RBPMS: variants seen among roughly 807,000 people sequenced by gnomAD.
The protein encoded by RBPMS is RNA binding protein, mRNA processing factor.
RBPMS carries 7 observed loss-of-function variants against 26.8 expected under a neutral mutation model. The ratio of observed to expected loss-of-function variants is 0.26; its 90% CI spans 0.15 to 0.49. The LOEUF is 0.49. RBPMS is among the 20% of genes least tolerant of loss of function. The probability of loss-of-function intolerance (pLI) is 0.98; values close to 1 mark genes in which losing one functional copy is unlikely to be tolerated. For missense variants in RBPMS, 186 were observed against 250.0 expected (o/e 0.74, Z 1.73); for synonymous variants, 96 against 93.3 (o/e 1.03, Z -0.17).
At chr8:30,568,771 C>T (rs182248931) in intron 8 of RBPMS, among the ~76,000 whole-genome samples, 90 of 152,248 alleles carry the variant, frequency 5.9e-4, no homozygotes, top group South Asian at 5.2e-3. Flanking sequence ...TAAGACATTC[C>T]AAGGTTTGAA....
chr8:30,507,751 A>G (rs893304839), intron 5 of RBPMS, among the ~76,000 whole-genome samples: 1 of 152,238 alleles, frequency 6.6e-6, no homozygotes, highest in African/African-American at 2.4e-5. Context: ...GTAGTATTCT[A>G]TAATAAGAAC....
intron 4 of RBPMS, among the ~76,000 whole-genome samples, chr8:30,485,294 C>T (rs1465302102): frequency 6.6e-6 from 1 of 152,166 alleles, no homozygotes; most frequent in Non-Finnish European, 1.5e-5. Context: ...TATAAGCATC[C>T]AGATGGCCTA....
At chr8:30,385,843 A>G (rs1563273428) in intron 1 of RBPMS, among the ~76,000 whole-genome samples, 1 of 152,130 alleles carries the variant, frequency 6.6e-6, no homozygotes, top group Non-Finnish European at 1.5e-5. Context: ...CTGAGCATGC[A>G]TTTTAGGTGG....
At chr8:30,444,953 A>C (rs1019551748) in intron 1 of RBPMS, 2 of 152,252 alleles carry the variant, frequency 1.3e-5, no homozygotes, top group Non-Finnish European at 2.9e-5. Flanking sequence ...TATTTCTAGA[A>C]CATGATGGTG....
intron 5 of RBPMS, among the ~76,000 whole-genome samples, chr8:30,506,036 C>G (rs974860449): frequency 2.0e-5 from 3 of 152,118 alleles, no homozygotes; most frequent in African/African-American, 7.2e-5. Context: ...GCTGAATGCT[C>G]TTTTTAACAG....
rs761869719 is a variant in RBPMS, at chr8:30,549,523, G to A, written c.528+4899G>A. Reference sequence around the variant, plus strand: ...AGCTCTGTGAAGGTCAGACTGTGAGGAGAAGCCACCCCTTGAGCGCTCCGT... The same window carrying A: ...AGCTCTGTGAAGGTCAGACTGTGAGAAGAAGCCACCCCTTGAGCGCTCCGT... On this transcript the variant is annotated intron_variant, in intron 6 of 8. Transcript: ENST00000397323. The A allele has an allele frequency of 1.3e-5, 21 of 1,614,010 alleles. No individual in the cohort carries two copies. In the East Asian group the frequency reaches 3.6e-4, roughly 27 times the overall value.
chr8:30,566,868 C>T (rs1449028069), intron 8 of RBPMS, among the ~76,000 whole-genome samples: 1 of 152,144 alleles, frequency 6.6e-6, no homozygotes, highest in Non-Finnish European at 1.5e-5. Context: ...AATCAGAATT[C>T]ACAATTAATT....
chr8:30,423,562 C>T (rs909749983), intron 1 of RBPMS, among the ~76,000 whole-genome samples: 1 of 149,060 alleles, frequency 6.7e-6, no homozygotes, highest in Non-Finnish European at 1.5e-5. Flanking sequence ...TCCATTTCTT[C>T]TTTCGTCTCT....
At chr8:30,531,509 A>C (rs780733257) in intron 5 of RBPMS, among the ~76,000 whole-genome samples, 9 of 152,246 alleles carry the variant, frequency 5.9e-5, no homozygotes, top group East Asian at 1.9e-4. Context: ...CCCCAGAAAG[A>C]AGCAGCTCAG....
intron 1 of RBPMS, 56 bp from the exon 2 acceptor site, chr8:30,474,723 A>T (rs1817505246): frequency 1.1e-6 from 1 of 939,484 alleles, no homozygotes; most frequent in South Asian, 1.4e-5. Context: ...ATCAGGTGAG[A>T]GTTAACTCTC....
intron 1 of RBPMS, among the ~76,000 whole-genome samples, chr8:30,446,350 G>T (rs1324988087): frequency 6.6e-6 from 1 of 152,148 alleles, no homozygotes; most frequent in Non-Finnish European, 1.5e-5. Flanking sequence ...TCAGGGTGAG[G>T]CTGTTCTGTT....
chr8:30,562,031 G>A lies in RBPMS; in HGVS notation c.*7+3075G>A, dbSNP rs112261638. The A allele has an allele frequency of 3.0e-3, 2,930 of 985,234 alleles. 66 individuals are homozygous for A. In the African/African-American group the frequency reaches 0.044, roughly 15 times the overall value. The allele number at this position is 985,234 out of a possible 1,614,324, so 61.0% of individuals were successfully genotyped here. On this transcript the variant is annotated intron_variant, in intron 7 of 8. Transcript: ENST00000397323. The stretch of plus-strand genomic sequence containing the variant: ...GAAGCCCTAGATCCGAATAAGATCC[G>A]AATAAGAATATGTAATGGACCAGGC...
At chr8:30,519,649 A>G (rs1822822740) in intron 5 of RBPMS, among the ~76,000 whole-genome samples, 1 of 151,664 alleles carries the variant, frequency 6.6e-6, no homozygotes, top group Non-Finnish European at 1.5e-5. Context: ...GCGCCCGGCT[A>G]ATATTTTTAT....
intron 5 of RBPMS, among the ~76,000 whole-genome samples, chr8:30,529,846 C>G (rs1824020046): frequency 6.6e-6 from 1 of 151,564 alleles, no homozygotes; most frequent in South Asian, 2.1e-4. Context: ...CTTTGCTTTC[C>G]AGGTTCAAGC....
chr8:30,463,244 G>A (rs1241730090), intron 1 of RBPMS, among the ~76,000 whole-genome samples: 1 of 152,190 alleles, frequency 6.6e-6, no homozygotes, highest in East Asian at 1.9e-4. Flanking sequence ...CAAAAACTAT[G>A]TAGCAAATTA....
At chr8:30,490,307 T>C (rs765877271) in intron 4 of RBPMS, among the ~76,000 whole-genome samples, 1 of 152,194 alleles carries the variant, frequency 6.6e-6, no homozygotes, top group Non-Finnish European at 1.5e-5. Flanking sequence ...AACAAACACA[T>C]CCTCATCTCC....
At chr8:30,432,522 A>G (rs1432901389) in intron 1 of RBPMS, among the ~76,000 whole-genome samples, 1 of 152,218 alleles carries the variant, frequency 6.6e-6, no homozygotes, top group African/African-American at 2.4e-5. Context: ...TTCATCAGTC[A>G]GGAATTATTG....
Position 30,571,243 on chromosome 8 carries a change from A to AGAAAACATCATT in RBPMS, c.*720_*731dup. The AGAAAACATCATT allele has an allele frequency of 6.6e-6, 1 of 152,302 alleles. No homozygotes were observed. The highest frequency in any genetic ancestry group is 2.1e-4 in the South Asian group (1 of 4,830). The allele number at this position is 152,302 out of a possible 1,614,324, so 9.4% of individuals were successfully genotyped here. On this transcript the variant is annotated 3_prime_UTR_variant, in exon 9 of 9. Coordinates refer to ENST00000397323, the MANE Select transcript of RBPMS (RefSeq NM_001008710.3). ...CCTATGGCTTATTCACAACTGGGCA[A>AGAAAACATCATT]GAAAACATCATTGGTAAGAACTGCT... is the stretch of plus-strand genomic sequence containing the variant.
rs1422327696 is a variant in RBPMS at position 30,558,902 on chromosome 8, C to T, written c.544C>T (p.Pro182Ser). The T allele has an allele frequency of 5.0e-6, 8 of 1,614,004 alleles. No individual in the cohort carries two copies. The highest frequency in any genetic ancestry group is 3.3e-4 in the Middle Eastern group (2 of 6,084). ...SLHAQMRWLPPSEATSQGWKS... is the reference protein window; with the variant it reads ...SLHAQMRWLPSSEATSQGWKS... ...GTCTTTTCAGATGCGCTGGCTCCCT[C>T]CCTCCGAGGCTACTTCTCAGGGCTG... Residue 182 changes from proline (P) to serine (S), a missense_variant, in exon 7 of 9, where the codon CCC (proline) becomes TCC (serine). Physicochemically the swap from Pro to Ser is moderately conservative, Grantham distance 74. Around this residue, in one of 3 missense-constraint regions of RBPMS, gnomAD observed 98 missense variants for 113.6 expected, o/e 0.86. Transcript: ENST00000397323.
Sources: allele counts gnomAD v4.1 joint callset (sites outside exome capture counted in the v4.1 genomes callset), GRCh38; gene constraint gnomAD v4.1.1; regional missense constraint gnomAD v4.1.1; transcripts MANE v1.5; gene names NCBI Gene and HGNC (gene_info 2026-07-23, HGNC 2026-07-21).